Variants in FGD4 observed in about 807,000 individuals in gnomAD.
FGD4 encodes FYVE, RhoGEF and PH domain-containing protein 4.
A neutral mutation model predicts 102.0 loss-of-function variants in FGD4; 42 were observed. That is an observed-to-expected ratio of 0.41 (90% CI 0.32 to 0.53). The LOEUF (loss-of-function observed/expected upper bound fraction) is 0.53, where lower values mean the gene tolerates loss of function less well. FGD4 is among the 20% of genes least tolerant of loss of function. The pLI is 0.21. For missense variants in FGD4, 902 were observed against 1,078.2 expected (o/e 0.84, Z 2.29); for synonymous variants, 380 against 375.7 (o/e 1.01, Z -0.13).
At chr12:32,404,253 G>C (rs1940826607) in intron 1 of FGD4, among the ~76,000 whole-genome samples, 1 of 150,648 alleles carries the variant, frequency 6.6e-6, no homozygotes, top group African/African-American at 2.4e-5. Flanking sequence ...TTCTATGTAA[G>C]TACAGTTTTT....
intron 4 of FGD4, among the ~76,000 whole-genome samples, chr12:32,597,108 T>A (rs1263846752): frequency 6.6e-6 from 1 of 152,232 alleles, no homozygotes; most frequent in Non-Finnish European, 1.5e-5. Context: ...AAATACTGTT[T>A]CTTTTTAGTA....
rs879626653 is a variant in FGD4 at position 32,432,996 on chromosome 12, A to AT, written c.166+33050dup. On this transcript the variant is annotated intron_variant, in intron 1 of 16. Coordinates refer to ENST00000534526, the MANE Select transcript of FGD4 (RefSeq NM_001370298.3). ...GGTTTCCATATTTTTCTGGAATAAG[A>AT]TTTTTTTTTTTTTATTTTGAGACAA... Among the ~76,000 whole-genome samples the AT allele has an allele frequency of 5.2e-4, 77 of 148,042 alleles. No individual in the cohort carries two copies. The East Asian group carries it at 5.3e-3, about 10-fold the overall frequency.
intron 2 of FGD4, among the ~76,000 whole-genome samples, chr12:32,570,637 C>T (rs1299684915): frequency 3.9e-5 from 6 of 152,046 alleles, no homozygotes; most frequent in African/African-American, 1.2e-4. Flanking sequence ...CGTGGGGTTT[C>T]GCCATGTTGT....
intron 1 of FGD4, among the ~76,000 whole-genome samples, chr12:32,541,226 G>A (rs1348438928): frequency 6.6e-6 from 1 of 152,178 alleles, no homozygotes; most frequent in Non-Finnish European, 1.5e-5. Flanking sequence ...TACACTGTTA[G>A]AAGCCTAACA....
At chr12:32,619,631 C>CA (rs201084965) in intron 10 of FGD4, 67 bp from the exon 11 acceptor site, 1,742 of 1,527,994 alleles carry the variant, frequency 1.1e-3, no homozygotes, top group Non-Finnish European at 1.3e-3. Flanking sequence ...GACTCTGTCT[C>CA]AAAAAAAAAC....
chr12:32,481,743 C>A (rs1441983081), intron 1 of FGD4, among the ~76,000 whole-genome samples: 2 of 151,528 alleles, frequency 1.3e-5, no homozygotes, highest in Middle Eastern at 3.2e-3. Flanking sequence ...ATCTCTTGAA[C>A]CTGGGAGGCA....
At chr12:32,477,374 AATTTT>A (rs1405042091) in intron 1 of FGD4, 1 of 152,286 alleles carries the variant, frequency 6.6e-6, no homozygotes. Flanking sequence ...AGTTTGTTGA[AATTTT>A]ATTTTAATAT....
chr12:32,570,930 C>T (rs1945611142), intron 2 of FGD4, among the ~76,000 whole-genome samples: 1 of 152,088 alleles, frequency 6.6e-6, no homozygotes, highest in African/African-American at 2.4e-5. Context: ...ACTTTGTATC[C>T]TGCCACAAAA....
At chr12:32,495,888 T>G (rs1937784786) in intron 1 of FGD4, among the ~76,000 whole-genome samples, 1 of 152,092 alleles carries the variant, frequency 6.6e-6, no homozygotes, top group Non-Finnish European at 1.5e-5. Flanking sequence ...TCAAATTCAG[T>G]TACCTTCAAA....
chr12:32,590,755 C>T lies in FGD4; in HGVS notation c.1012-7742C>T, dbSNP rs7315636. Among the ~76,000 whole-genome samples, 1,023 of 152,318 alleles carry T rather than the reference C, an allele frequency of 6.7e-3. 17 individuals carry two copies. The highest frequency in any genetic ancestry group is 0.023 in the African/African-American group (975 of 41,560). On this transcript the variant is annotated intron_variant, in intron 4 of 16. Transcript: ENST00000534526. ...TACAAGAGATAACTCATGTGCAGTACATAGAATAGTGCACGTAGTAAGTAT... is the reference window on the plus strand; with the variant it reads ...TACAAGAGATAACTCATGTGCAGTATATAGAATAGTGCACGTAGTAAGTAT...
intron 1 of FGD4, among the ~76,000 whole-genome samples, chr12:32,432,339 C>T (rs1248156236): frequency 8.6e-6 from 1 of 115,802 alleles, no homozygotes; most frequent in Non-Finnish European, 2.1e-5. Context: ...GGATTACAGG[C>T]GTGAGCCACC....
chr12:32,610,431 G>A (rs1949066612), intron 8 of FGD4, among the ~76,000 whole-genome samples: 1 of 152,204 alleles, frequency 6.6e-6, no homozygotes, highest in Admixed American at 6.5e-5. Flanking sequence ...GGATCCAGGA[G>A]AGAGGGAGAC....
At chr12:32,447,323 C>A (rs1485665384) in intron 1 of FGD4, among the ~76,000 whole-genome samples, 1 of 152,274 alleles carries the variant, frequency 6.6e-6, no homozygotes, top group East Asian at 1.9e-4. Flanking sequence ...AAATTTAAAT[C>A]TTTGGTCCCT....
intron 1 of FGD4, among the ~76,000 whole-genome samples, chr12:32,453,711 A>AT (rs1353960115): frequency 6.6e-6 from 1 of 152,156 alleles, no homozygotes; most frequent in Non-Finnish European, 1.5e-5. Context: ...ACTTTTTTCT[A>AT]TAATTATTAT....
At chr12:32,609,459 T>A (rs1332741945) in intron 8 of FGD4, among the ~76,000 whole-genome samples, 1 of 152,204 alleles carries the variant, frequency 6.6e-6, no homozygotes, top group African/African-American at 2.4e-5. Flanking sequence ...TATCCCATCT[T>A]ATTTTGTCTT....
intron 1 of FGD4, among the ~76,000 whole-genome samples, chr12:32,563,402 G>A (rs1482003694): frequency 6.6e-6 from 1 of 150,690 alleles, no homozygotes; most frequent in African/African-American, 2.4e-5. Context: ...CTCAGACGAT[G>A]GGCGGCCGGG....
intron 1 of FGD4, among the ~76,000 whole-genome samples, chr12:32,563,228 C>A (rs1944816286): frequency 6.6e-6 from 1 of 150,612 alleles, no homozygotes; most frequent in Non-Finnish European, 1.5e-5. Context: ...GGCAGAGGGG[C>A]TCCTCACTTC....
intron 1 of FGD4, among the ~76,000 whole-genome samples, chr12:32,451,173 CTAAT>C (rs1942764670): frequency 6.6e-6 from 1 of 152,176 alleles, no homozygotes; most frequent in Non-Finnish European, 1.5e-5. Context: ...GTCCTTCTAT[CTAAT>C]TAATTTTCTT....
intron 1 of FGD4, among the ~76,000 whole-genome samples, chr12:32,485,500 G>A (rs1469267227): frequency 6.8e-6 from 1 of 146,226 alleles, no homozygotes; most frequent in African/African-American, 2.5e-5. Context: ...GAGTGCAGTG[G>A]CGGGATCTGG....
Sources: gnomAD v4.1 joint callset for allele counts (sites outside exome capture counted in the v4.1 genomes callset) on GRCh38, gnomAD v4.1.1 for gene constraint, MANE v1.5 for transcripts, NCBI Gene and HGNC (gene_info 2026-07-23, HGNC 2026-07-21) for gene names.